Variants in DIAPH3 observed in about 807,000 individuals in gnomAD.
The protein encoded by DIAPH3 is protein diaphanous homolog 3.
DIAPH3 carries 117 observed loss-of-function variants against 144.3 expected under a neutral mutation model. The observed-to-expected ratio is 0.81, with a 90% CI of 0.70 to 0.95. DIAPH3 has a LOEUF of 0.95. Ranked by LOEUF, DIAPH3 falls within the 40% of genes least tolerant of loss-of-function variation. The probability of loss-of-function intolerance (pLI) is 0.00; values close to 1 mark genes in which losing one functional copy is unlikely to be tolerated. For missense variants in DIAPH3, 1,421 were observed against 1,412.7 expected (o/e 1.01, Z -0.09); for synonymous variants, 519 against 488.9 (o/e 1.06, Z -0.81).
At chr13:60,045,842 G>T (rs1480160415) in intron 4 of DIAPH3, among the ~76,000 whole-genome samples, 1 of 152,102 alleles carries the variant, frequency 6.6e-6, no homozygotes, top group Non-Finnish European at 1.5e-5. Context: ...TTAAGTATGA[G>T]AATAACCAGT....
chr13:59,816,971 T>A (rs1593534334), intron 24 of DIAPH3, among the ~76,000 whole-genome samples: 2 of 151,928 alleles, frequency 1.3e-5, no homozygotes, highest in Non-Finnish European at 2.9e-5. Context: ...TATGATTTCA[T>A]CTTTGACATA....
chr13:60,093,594 C>T (rs754478578), intron 4 of DIAPH3, 34 bp downstream of exon 4: 23 of 1,381,872 alleles, frequency 1.7e-5, no homozygotes, highest in Admixed American at 5.1e-5. Context: ...AAAACATGTT[C>T]GGCAGTATTT....
intron 27 of DIAPH3, among the ~76,000 whole-genome samples, chr13:59,764,652 T>C (rs993778086): frequency 2.0e-5 from 3 of 148,616 alleles, no homozygotes; most frequent in Non-Finnish European, 4.4e-5. Flanking sequence ...TGTGACAAGT[T>C]AAAGGACACA....
chr13:59,921,486 A>T lies in DIAPH3; in HGVS notation c.2170+3289T>A, dbSNP rs114821207. ...ATAAATTGGATAACCTAGAAAAAAA[A>T]TGGATAAAATCCTAGAAACTTATAA... is the stretch of plus-strand genomic sequence containing the variant. On this transcript the variant is annotated intron_variant, in intron 18 of 27. Transcript: ENST00000400324. Among the ~76,000 whole-genome samples the T allele has an allele frequency of 3.5e-3, 538 of 151,942 alleles. 3 individuals carry two copies. The highest frequency in any genetic ancestry group is 0.012 in the African/African-American group (512 of 41,528).
chr13:60,159,028 G>A (rs1352293524), intron 1 of DIAPH3, among the ~76,000 whole-genome samples: 1 of 150,964 alleles, frequency 6.6e-6, no homozygotes, highest in Non-Finnish European at 1.5e-5. Context: ...TCATTGTTCG[G>A]CCTACTACAC....
chr13:59,750,716 G>A (rs924630231), intron 27 of DIAPH3, among the ~76,000 whole-genome samples: 3 of 152,136 alleles, frequency 2.0e-5, no homozygotes, highest in African/African-American at 7.2e-5. Flanking sequence ...CGTAGGCCAC[G>A]GTAATGCAGT....
intron 21 of DIAPH3, among the ~76,000 whole-genome samples, chr13:59,866,646 TTA>T (rs1433712557): frequency 6.6e-6 from 1 of 152,008 alleles, no homozygotes; most frequent in Admixed American, 6.6e-5. Flanking sequence ...TAGCAACTCT[TTA>T]TATATTTCTA....
chr13:59,822,569 T>C (rs1397941321), intron 24 of DIAPH3, among the ~76,000 whole-genome samples: 4 of 152,084 alleles, frequency 2.6e-5, no homozygotes, highest in African/African-American at 9.7e-5. Context: ...GCCTCCCAAG[T>C]AGCTGGGACT....
chr13:60,051,486 G>A (rs2056342941), intron 4 of DIAPH3, among the ~76,000 whole-genome samples: 1 of 152,098 alleles, frequency 6.6e-6, no homozygotes, highest in South Asian at 2.1e-4. Flanking sequence ...CAGGCGTGGT[G>A]GCACATGCCT....
chr13:60,095,783 T>C (rs2058090015), intron 3 of DIAPH3, among the ~76,000 whole-genome samples: 5 of 152,198 alleles, frequency 3.3e-5, no homozygotes, highest in Admixed American at 3.3e-4. Context: ...TACTGAATTT[T>C]CCAAGAATCA....
At chr13:60,125,717 A>G (rs1393365198) in intron 2 of DIAPH3, among the ~76,000 whole-genome samples, 1 of 152,164 alleles carries the variant, frequency 6.6e-6, no homozygotes, top group Non-Finnish European at 1.5e-5. Context: ...AAACAGTTGC[A>G]ATTAAGCAGT....
intron 27 of DIAPH3, among the ~76,000 whole-genome samples, chr13:59,713,542 C>A (rs1427037525): frequency 1.3e-5 from 2 of 152,116 alleles, no homozygotes; most frequent in African/African-American, 4.8e-5. Flanking sequence ...ACAATTTAAG[C>A]AGTGGAATGA....
intron 4 of DIAPH3, among the ~76,000 whole-genome samples, chr13:60,060,066 T>C (rs2056706840): frequency 6.6e-6 from 1 of 152,058 alleles, no homozygotes; most frequent in Admixed American, 6.6e-5. Context: ...AAGTCTGTCT[T>C]CCTTTTTTTT....
At chr13:60,070,407 C>G (rs1452511124) in intron 4 of DIAPH3, among the ~76,000 whole-genome samples, 1 of 150,516 alleles carries the variant, frequency 6.6e-6, no homozygotes, top group African/African-American at 2.5e-5. Flanking sequence ...TTGTCTTTTG[C>G]CTGTGCTTAA....
chr13:59,722,680 G>A (rs1379840607), intron 27 of DIAPH3, among the ~76,000 whole-genome samples: 1 of 152,204 alleles, frequency 6.6e-6, no homozygotes, highest in African/African-American at 2.4e-5. Flanking sequence ...GGCACTGCAA[G>A]GTTCTGTGTC....
chr13:60,081,732 G>C (rs138940035), intron 4 of DIAPH3, among the ~76,000 whole-genome samples: 1 of 152,092 alleles, frequency 6.6e-6, no homozygotes, highest in East Asian at 1.9e-4. Context: ...CCAAAGGAAG[G>C]CAACAGAGTA....
chr13:60,068,725 G>A (rs1208526155), intron 4 of DIAPH3, among the ~76,000 whole-genome samples: 2 of 152,162 alleles, frequency 1.3e-5, no homozygotes, highest in African/African-American at 4.8e-5. Flanking sequence ...TTTAGCTTCT[G>A]CTTATAAATG....
chr13:59,768,459 T>A (rs1194630340), intron 27 of DIAPH3, among the ~76,000 whole-genome samples: 1 of 152,150 alleles, frequency 6.6e-6, no homozygotes, highest in African/African-American at 2.4e-5. Flanking sequence ...TTAAGGCAGT[T>A]AGTGCTCAGT....
chr13:60,016,224 T>C (rs2053639114), intron 5 of DIAPH3, 79 bp from the exon 6 acceptor site: 2 of 1,198,102 alleles, frequency 1.7e-6, no homozygotes, highest in Non-Finnish European at 2.4e-6. Flanking sequence ...ACAAGTATTT[T>C]ATATTTGCTA....
Sources: gnomAD v4.1 joint callset for allele counts (sites outside exome capture counted in the v4.1 genomes callset) on GRCh38, gnomAD v4.1.1 for gene constraint, MANE v1.5 for transcripts, NCBI Gene and HGNC (gene_info 2026-07-23, HGNC 2026-07-21) for gene names.